Variants in PATJ observed in about 807,000 individuals in gnomAD.
PATJ encodes the protein inaD-like protein.
Under a neutral mutation model 224.9 loss-of-function variants are expected in PATJ, and 190 were observed. The observed-to-expected ratio is 0.84, with a 90% confidence interval of 0.75 to 0.95. The LOEUF (loss-of-function observed/expected upper bound fraction) is 0.95, where lower values mean the gene tolerates loss of function less well. Ranked by LOEUF, PATJ falls within the 40% of genes least tolerant of loss-of-function variation. The pLI is 0.00. For missense variants in PATJ, 2,121 were observed against 2,270.3 expected, an observed-to-expected ratio of 0.93 and a Z score of 1.34; for synonymous variants, 769 against 820.3, an observed-to-expected ratio of 0.94 and a Z score of 1.07.
intron 42 of PATJ, among the ~76,000 whole-genome samples, chr1:62,148,893 G>A (rs931499829): frequency 6.6e-6 from 1 of 152,038 alleles, no homozygotes. Context: ...TTGGGAGGCC[G>A]AGACGGGTGG....
In PATJ at chr1:61,769,299, A is replaced by G. The variant is rs1420660171; in HGVS notation, c.401A>G (p.Tyr134Cys). ...CTTCATTAGGGCCGGCAAATTGAAT[A>G]TATAGATATAGAACGGCCTTCAACT... Reference protein sequence around the residue: ...QQMAQGRQIEYIDIERPSTGG... With the variant: ...QQMAQGRQIECIDIERPSTGG... The change falls in exon 5 of 44, where the codon TAT (tyrosine) becomes TGT (cysteine). Residue 134 changes from tyrosine (Y) to cysteine (C), a missense_variant. Transcript: ENST00000642238. The G allele has an allele frequency of 1.2e-6, 2 of 1,608,740 alleles. No homozygotes were observed. The highest frequency in any genetic ancestry group is 1.7e-6 in the Non-Finnish European group (2 of 1,178,780).
chr1:61,973,666 C>T (rs982550071), intron 27 of PATJ, among the ~76,000 whole-genome samples: 1 of 151,982 alleles, frequency 6.6e-6, no homozygotes, highest in Non-Finnish European at 1.5e-5. Flanking sequence ...AACCCCAGCA[C>T]ATTTCTACTG....
At position 61,967,873 on chromosome 1, in the gene PATJ, A is replaced by G. The variant is rs191841180; in HGVS notation, c.3671-22295A>G. On this transcript the variant is annotated intron_variant, in intron 27 of 43. Coordinates refer to ENST00000642238, the MANE Select transcript of PATJ (RefSeq NM_001350145.3). ...CGTTTATCTTTTATCTTGTGAGAAA[A>G]GCAATTGTTCACTGATTTGCAAGAT... Among the ~76,000 whole-genome samples the G allele has an allele frequency of 1.3e-4, 20 of 152,298 alleles. 1 individual carries two copies. Among genetic ancestry groups the G allele is most frequent in the African/African-American group, 4.8e-4 (20 of 41,570 alleles).
chr1:61,809,614 C>T (rs1378165820), intron 14 of PATJ, among the ~76,000 whole-genome samples: 2 of 151,722 alleles, frequency 1.3e-5, no homozygotes, highest in African/African-American at 2.4e-5. Flanking sequence ...CTCCAACTCC[C>T]GACCTCAGGT....
At chr1:62,069,418 G>C (rs1055772599) in intron 31 of PATJ, among the ~76,000 whole-genome samples, 2 of 152,150 alleles carry the variant, frequency 1.3e-5, no homozygotes, top group Non-Finnish European at 2.9e-5. Flanking sequence ...CAGGTCTGTT[G>C]TGTACACCAA....
intron 22 of PATJ, among the ~76,000 whole-genome samples, chr1:61,893,788 G>GA (rs1204553317): frequency 4.1e-4 from 52 of 127,480 alleles, no homozygotes; most frequent in Non-Finnish European, 6.3e-4. Context: ...CAAAACAAGA[G>GA]AAAAAAAAAA....
chr1:62,050,991 G>A lies in PATJ; in HGVS notation c.4058G>A (p.Ser1353Asn). ...IEDQSGTEPI[S>N]SEEDGSVEVG... ...GATCAGAGCGGCACCGAACCTATTA[G>A]TAGTGAGGAAGATGGCAGCGTCGAA... The change falls in exon 31 of 44, where the codon AGT becomes AAT. Residue 1353 changes from serine (S) to asparagine (N), a missense_variant. Physicochemically the swap from Ser to Asn is conservative, Grantham distance 46. Coordinates refer to ENST00000642238, the MANE Select transcript of PATJ (RefSeq NM_001350145.3). 3 of 1,614,006 alleles carry A rather than the reference G, an allele frequency of 1.9e-6. No homozygotes were observed. The highest frequency in any genetic ancestry group is 2.2e-5 in the East Asian group (1 of 44,870).
intron 21 of PATJ, among the ~76,000 whole-genome samples, chr1:61,876,549 GGTGGGGTATCCT>G (rs1438163157): frequency 1.3e-5 from 2 of 152,128 alleles, no homozygotes; most frequent in Non-Finnish European, 2.9e-5. Context: ...TTTTGGTGGG[GGTGGGGTATCCT>G]GTGCATTGTA....
intron 27 of PATJ, among the ~76,000 whole-genome samples, chr1:61,964,622 C>T (rs989386872): frequency 6.6e-6 from 1 of 151,646 alleles, no homozygotes; most frequent in African/African-American, 2.4e-5. Flanking sequence ...AACCCCATCT[C>T]TACCAAAAAT....
At chr1:61,785,510 A>T (rs1648315964) in intron 7 of PATJ, among the ~76,000 whole-genome samples, 1 of 152,186 alleles carries the variant, frequency 6.6e-6, no homozygotes, top group South Asian at 2.1e-4. Context: ...AACTGTTTGT[A>T]TCTCAATTTT....
intron 7 of PATJ, among the ~76,000 whole-genome samples, chr1:61,779,241 G>T (rs1017755975): frequency 2.0e-5 from 3 of 152,174 alleles, no homozygotes; most frequent in Non-Finnish European, 4.4e-5. Flanking sequence ...ATGCCATGGT[G>T]GGGGCTGGCA....
rs1047887666 is a variant in PATJ, at chr1:61,864,751, C to T, written c.2835+118C>T. 1.8e-5 allele frequency: 15 copies of T among 835,624 alleles called. No homozygotes were observed. In the East Asian group the frequency reaches 3.7e-4, roughly 20 times the overall value. The allele number at this position is 835,624 out of a possible 1,614,324, so 51.8% of individuals were successfully genotyped here. The stretch of plus-strand genomic sequence containing the variant: ...TTAAATGGGCCTTTCCGTAAGTCGT[C>T]ACTGTTTACAAGATGTGTCATCCAG... On this transcript the variant is annotated intron_variant, in intron 20 of 43. Transcript: ENST00000642238.
intron 22 of PATJ, among the ~76,000 whole-genome samples, chr1:61,888,515 C>T (rs1056835492): frequency 3.9e-5 from 6 of 152,088 alleles, no homozygotes; most frequent in African/African-American, 1.4e-4. Flanking sequence ...TCTGAAACTC[C>T]TGGGCTTAAG....
intron 17 of PATJ, among the ~76,000 whole-genome samples, chr1:61,852,878 C>T (rs1663057923): frequency 6.6e-6 from 1 of 152,122 alleles, no homozygotes; most frequent in African/African-American, 2.4e-5. Flanking sequence ...AAGGAAATGA[C>T]TGTTACTCAT....
chr1:61,750,431 G>A (rs979518770), intron 1 of PATJ, among the ~76,000 whole-genome samples: 7 of 137,702 alleles, frequency 5.1e-5, no homozygotes, highest in Non-Finnish European at 9.2e-5. Flanking sequence ...GTTATTTTCT[G>A]GAGCTTTTTT....
At chr1:62,135,362 A>C (rs921298691) in intron 41 of PATJ, among the ~76,000 whole-genome samples, 1 of 151,998 alleles carries the variant, frequency 6.6e-6, no homozygotes, top group African/African-American at 2.4e-5. Flanking sequence ...CTAAAAATAC[A>C]AAAATAAGCC....
intron 27 of PATJ, among the ~76,000 whole-genome samples, chr1:61,945,923 C>T (rs1438787816): frequency 2.0e-5 from 3 of 152,262 alleles, no homozygotes; most frequent in Non-Finnish European, 2.9e-5. Context: ...CACTCAAAAC[C>T]GCTCAACTGC....
intron 14 of PATJ, among the ~76,000 whole-genome samples, chr1:61,810,743 T>TAAAC (rs1305869041): frequency 3.2e-4 from 45 of 138,592 alleles, no homozygotes; most frequent in Non-Finnish European, 3.1e-4. Flanking sequence ...AATAAATAAA[T>TAAAC]AAACCCAGTC....
intron 7 of PATJ, among the ~76,000 whole-genome samples, chr1:61,783,323 A>C (rs1235278207): frequency 6.6e-6 from 1 of 152,178 alleles, no homozygotes; most frequent in African/African-American, 2.4e-5. Context: ...TTTTGATTGA[A>C]GACCAATAAT....
Sources: gnomAD v4.1 joint callset for allele counts (sites outside exome capture counted in the v4.1 genomes callset) on GRCh38, gnomAD v4.1.1 for gene constraint, MANE v1.5 for transcripts, NCBI Gene and HGNC (gene_info 2026-07-23, HGNC 2026-07-21) for gene names.